Variants in IL1RAPL1 observed in about 807,000 individuals in gnomAD.
IL1RAPL1 encodes interleukin-1 receptor accessory protein-like 1.
A neutral mutation model predicts 48.4 loss-of-function variants in IL1RAPL1; 3 were observed. The ratio of observed to expected loss-of-function variants is 0.06; its 90% CI spans 0.03 to 0.16. The LOEUF (loss-of-function observed/expected upper bound fraction) is 0.16, where lower values mean the gene tolerates loss of function less well. IL1RAPL1 is among the 10% of genes least tolerant of loss of function. IL1RAPL1 has a pLI of 1.00. For synonymous variants in IL1RAPL1, 185 were observed against 187.7 expected (o/e 0.99, Z 0.12); for missense variants, 349 against 530.6 (o/e 0.66, Z 3.36).
rs1281070555 is a variant in IL1RAPL1, at chrX:29,413,307, C to A, written c.703+13999C>A. On this transcript the variant is annotated intron_variant, in intron 5 of 10. Transcript: ENST00000378993. ...TATTTATTAGCAGCGTGAGAACAGA[C>A]TAATACACGTGGTTTGTTTCAGTTA... Among the ~76,000 whole-genome samples the A allele has an allele frequency of 7.2e-5, 8 of 111,837 alleles. No individual in the cohort carries two copies. The East Asian group carries it at 2.2e-3, about 31-fold the overall frequency.
At chrX:28,686,279 A>C (rs888566205) in intron 1 of IL1RAPL1, among the ~76,000 whole-genome samples, 1 of 112,036 alleles carries the variant, frequency 8.9e-6, no homozygotes, top group Non-Finnish European at 1.9e-5. Context: ...ACATAAACAA[A>C]ATTTTAAAGT....
intron 1 of IL1RAPL1, among the ~76,000 whole-genome samples, chrX:28,761,743 T>G (rs926511441): frequency 9.0e-6 from 1 of 111,634 alleles, no homozygotes; most frequent in African/African-American, 3.3e-5. Flanking sequence ...GAATCTAAAA[T>G]TCATACAAAT....
chrX:28,642,047 G>A (rs1934550014), intron 1 of IL1RAPL1, among the ~76,000 whole-genome samples: 1 of 110,952 alleles, frequency 9.0e-6, no homozygotes, highest in Non-Finnish European at 1.9e-5. Flanking sequence ...AACCAACAAA[G>A]ATAAAAAAAG....
chrX:29,929,684 C>T (rs1932924224), intron 8 of IL1RAPL1, among the ~76,000 whole-genome samples: 1 of 111,728 alleles, frequency 9.0e-6, no homozygotes, highest in South Asian at 3.7e-4. Context: ...TTGCCAAATT[C>T]ATGCAAACTA....
At chrX:29,317,371 G>A (rs184954932) in intron 3 of IL1RAPL1, among the ~76,000 whole-genome samples, 1 of 112,288 alleles carries the variant, frequency 8.9e-6, no homozygotes, top group Non-Finnish European at 1.9e-5. Flanking sequence ...AAGTTTTCTA[G>A]TAATTCATCT....
chrX:29,888,811 C>T (rs1193674074), intron 6 of IL1RAPL1, among the ~76,000 whole-genome samples: 2 of 111,599 alleles, frequency 1.8e-5, no homozygotes, highest in Non-Finnish European at 3.8e-5. Context: ...AGAAAAATAA[C>T]AGAGGTAATC....
chrX:29,223,935 G>T (rs1173625426), intron 2 of IL1RAPL1, among the ~76,000 whole-genome samples: 1 of 110,922 alleles, frequency 9.0e-6, no homozygotes, highest in Admixed American at 9.7e-5. Flanking sequence ...TTCCAGAAAG[G>T]CATCCATAAT....
At chrX:29,677,423 C>T (rs1330348882) in intron 6 of IL1RAPL1, among the ~76,000 whole-genome samples, 1 of 111,795 alleles carries the variant, frequency 8.9e-6, no homozygotes, top group Non-Finnish European at 1.9e-5. Flanking sequence ...TTAAGAGGCT[C>T]TGTCCCCCAT....
intron 2 of IL1RAPL1, among the ~76,000 whole-genome samples, chrX:29,023,345 T>A (rs1187198579): frequency 8.9e-6 from 1 of 112,407 alleles, no homozygotes; most frequent in African/African-American, 3.2e-5. Flanking sequence ...TAATGCATTA[T>A]TAGGATGTTG....
At chrX:29,042,379 G>T (rs959449037) in intron 2 of IL1RAPL1, among the ~76,000 whole-genome samples, 7 of 111,520 alleles carry the variant, frequency 6.3e-5, no homozygotes, top group Non-Finnish European at 1.3e-4. Context: ...AGAAACTGTT[G>T]TAAGAATGAC....
chrX:29,852,138 G>C (rs1298959135), intron 6 of IL1RAPL1, among the ~76,000 whole-genome samples: 2 of 112,647 alleles, frequency 1.8e-5, no homozygotes, highest in African/African-American at 3.2e-5. Flanking sequence ...CAGAAGTGGT[G>C]AATGTTAAGC....
intron 2 of IL1RAPL1, among the ~76,000 whole-genome samples, chrX:29,159,351 G>T (rs768556761): frequency 3.6e-5 from 4 of 111,181 alleles, no homozygotes; most frequent in Non-Finnish European, 7.5e-5. Flanking sequence ...TATGTGGCAT[G>T]TCATCATTCT....
chrX:28,951,803 T>C (rs1316407914), intron 2 of IL1RAPL1, among the ~76,000 whole-genome samples: 1 of 111,914 alleles, frequency 8.9e-6, no homozygotes, highest in Non-Finnish European at 1.9e-5. Flanking sequence ...ACAGGCTAGA[T>C]GGAAAAGGAA....
At chrX:28,606,797 A>G (rs66818774) in intron 1 of IL1RAPL1, among the ~76,000 whole-genome samples, 14,303 of 111,084 alleles carry the variant, frequency 0.13, 1,117 homozygotes, top group African/African-American at 0.29. Flanking sequence ...ATTTTAATGA[A>G]CAACCAATTT....
rs757448198 is a variant in IL1RAPL1, at chrX:29,877,954, A to G, written c.779-39510A>G. 5.4e-5 allele frequency among the ~76,000 whole-genome samples: 6 copies of G among 112,122 alleles called. No homozygotes were observed. In the South Asian group the frequency reaches 1.8e-3, roughly 34 times the overall value. The stretch of plus-strand genomic sequence containing the variant: ...CAGACATTTTTGTCAATTTTTAATC[A>G]TCAATGTACCCACAGTGTTTACAAG... On this transcript the variant is annotated intron_variant, in intron 6 of 10. Transcript: ENST00000378993.
chrX:28,615,198 TG>T (rs1934200309), intron 1 of IL1RAPL1, among the ~76,000 whole-genome samples: 1 of 73,127 alleles, frequency 1.4e-5, no homozygotes, highest in Non-Finnish European at 2.5e-5. Context: ...AACTGTTGTC[TG>T]TTTTTTTTTT....
chrX:29,639,624 A>G (rs1208735845), intron 5 of IL1RAPL1, among the ~76,000 whole-genome samples: 1 of 107,022 alleles, frequency 9.3e-6, no homozygotes, highest in Non-Finnish European at 1.9e-5. Flanking sequence ...TAAGAAGGGC[A>G]GGAACAGCCT....
intron 5 of IL1RAPL1, among the ~76,000 whole-genome samples, chrX:29,527,301 T>C (rs1361302456): frequency 9.6e-6 from 1 of 104,595 alleles, no homozygotes; most frequent in Non-Finnish European, 1.9e-5. Flanking sequence ...TGAATTATTT[T>C]AGGACTTGCA....
At chrX:29,016,986 A>G (rs73208091) in intron 2 of IL1RAPL1, among the ~76,000 whole-genome samples, 6,884 of 111,502 alleles carry the variant, frequency 0.062, 259 homozygotes, top group African/African-American at 0.12. Context: ...AAAGTACTAC[A>G]TTATACTTTT....
Sources: allele counts gnomAD v4.1 joint callset (sites outside exome capture counted in the v4.1 genomes callset), GRCh38; gene constraint gnomAD v4.1.1; transcripts MANE v1.5; gene names NCBI Gene and HGNC (gene_info 2026-07-23, HGNC 2026-07-21).